The following PRKN variants were observed in gnomAD, a reference collection of about 807,000 sequenced individuals.
PRKN encodes the protein E3 ubiquitin-protein ligase parkin.
Under a neutral mutation model 59.5 loss-of-function variants are expected in PRKN, and 56 were observed. That is an observed-to-expected ratio of 0.94 (90% CI 0.76 to 1.18). The LOEUF is 1.18. PRKN is among the 50% of genes most tolerant of loss of function. The pLI is 0.00. For synonymous variants in PRKN, 250 were observed against 222.1 expected (o/e 1.13, Z -1.12); for missense variants, 657 against 596.4 (o/e 1.10, Z -1.06).
rs74620804 is a variant in PRKN, at chr6:162,159,237, C to T, written c.534+41894G>A. ...ATTATCTATGAGAATCACACAGATA[C>T]TCATACGTGAGCATTGCTTTTCTAG... On this transcript the variant is annotated intron_variant, in intron 4 of 11. Transcript: ENST00000366898. Among the ~76,000 whole-genome samples the T allele has an allele frequency of 5.4e-3, 822 of 150,958 alleles. 17 individuals are homozygous for T. Among genetic ancestry groups the T allele is most frequent in the African/African-American group, 0.02 (790 of 40,286 alleles).
intron 6 of PRKN, among the ~76,000 whole-genome samples, chr6:161,821,624 T>A: frequency 6.6e-6 from 1 of 151,240 alleles, no homozygotes; most frequent in East Asian, 2.0e-4. Flanking sequence ...CCACTTTATA[T>A]CCCCAAAATA....
At chr6:162,082,359 G>A (rs1227777273) in intron 4 of PRKN, among the ~76,000 whole-genome samples, 1 of 151,970 alleles carries the variant, frequency 6.6e-6, no homozygotes, top group Non-Finnish European at 1.5e-5. Context: ...TTTTTAAATT[G>A]CCTAGTCTCA....
intron 10 of PRKN, among the ~76,000 whole-genome samples, chr6:161,375,923 T>C (rs1456271374): frequency 6.6e-6 from 1 of 152,180 alleles, no homozygotes; most frequent in Non-Finnish European, 1.5e-5. Context: ...AGAAGTGGCA[T>C]CAAACCTGCT....
At chr6:162,216,344 C>G (rs968066802) in intron 3 of PRKN, among the ~76,000 whole-genome samples, 2 of 151,404 alleles carry the variant, frequency 1.3e-5, no homozygotes, top group East Asian at 3.9e-4. Context: ...TCCTGGCTAA[C>G]AAGGTGAAAC....
rs568365716 is a variant in PRKN at position 161,518,501 on chromosome 6, T to C, written c.1083+30353A>G. 5.3e-5 allele frequency among the ~76,000 whole-genome samples: 8 copies of C among 152,302 alleles called. No homozygotes were observed. The highest frequency in any genetic ancestry group is 3.4e-3 in the Middle Eastern group (1 of 294). ...TGTGGCACTGGGCGCTGCCCCTGGCTGTGCAATCCCAGGGCTCTGGGTGAG... is the reference window on the plus strand; with the variant it reads ...TGTGGCACTGGGCGCTGCCCCTGGCCGTGCAATCCCAGGGCTCTGGGTGAG... On this transcript the variant is annotated intron_variant, in intron 9 of 11. Coordinates refer to ENST00000366898, the MANE Select transcript of PRKN (RefSeq NM_004562.3). The surrounding 1 kb of genome is among the most constrained non-coding windows in gnomAD (Gnocchi z 5.0).
intron 1 of PRKN, among the ~76,000 whole-genome samples, chr6:162,508,626 A>C (rs1318773517): frequency 6.6e-6 from 1 of 152,184 alleles, no homozygotes; most frequent in Non-Finnish European, 1.5e-5. Context: ...CTAAAGACCC[A>C]GTGTTTGTAA....
rs569039226 is a variant in PRKN, at chr6:161,957,898, C to T, written c.734+15404G>A. 3.3e-5 allele frequency among the ~76,000 whole-genome samples: 5 copies of T among 152,244 alleles called. No homozygotes were observed. In the South Asian group the frequency reaches 1.0e-3, roughly 32 times the overall value. ...CAGGTCAAGGCTTTCATTAACTACG[C>T]GGATCAATTTAACCATCTCTCTTGT... On this transcript the variant is annotated intron_variant, in intron 6 of 11. Coordinates refer to ENST00000366898, the MANE Select transcript of PRKN (RefSeq NM_004562.3).
chr6:162,389,060 T>C (rs1157596452), intron 2 of PRKN, among the ~76,000 whole-genome samples: 2 of 151,020 alleles, frequency 1.3e-5, no homozygotes, highest in African/African-American at 4.9e-5. Flanking sequence ...AGACATTTTA[T>C]GTAAATGAGG....
intron 7 of PRKN, among the ~76,000 whole-genome samples, chr6:161,653,493 C>T (rs1174773137): frequency 6.6e-6 from 1 of 152,148 alleles, no homozygotes; most frequent in African/African-American, 2.4e-5. Context: ...CAGTATTAGC[C>T]TCTCCACCTC....
At chr6:162,637,454 A>G (rs890185444) in intron 1 of PRKN, among the ~76,000 whole-genome samples, 1 of 152,160 alleles carries the variant, frequency 6.6e-6, no homozygotes, top group Non-Finnish European at 1.5e-5. Context: ...GGGAGAGATC[A>G]AAGTCTTACA....
intron 1 of PRKN, among the ~76,000 whole-genome samples, chr6:162,646,831 T>C (rs962639058): frequency 6.6e-6 from 1 of 152,170 alleles, no homozygotes; most frequent in Non-Finnish European, 1.5e-5. Flanking sequence ...CGGTAAGTAT[T>C]TGTGTACCTA....
chr6:161,749,139 G>A (rs1029770984), intron 7 of PRKN, among the ~76,000 whole-genome samples: 7 of 152,134 alleles, frequency 4.6e-5, no homozygotes, highest in African/African-American at 1.7e-4. Context: ...AGCTTCTTGT[G>A]TTGCTAACCC....
In PRKN at chr6:162,293,195, C is replaced by T. The variant is rs568830129; in HGVS notation, c.172-30430G>A. Among the ~76,000 whole-genome samples the T allele has an allele frequency of 1.7e-4, 26 of 152,262 alleles. No homozygotes were observed. The South Asian group carries it at 4.6e-3, about 27-fold the overall frequency. ...CAGTAGAGGCCAATAAGACAGAAGCCAACAGGAAATTAGACTTCCCTTCTT... is the reference window on the plus strand; with the variant it reads ...CAGTAGAGGCCAATAAGACAGAAGCTAACAGGAAATTAGACTTCCCTTCTT... On this transcript the variant is annotated intron_variant, in intron 2 of 11. Transcript: ENST00000366898.
At chr6:162,015,836 C>T (rs2128272949) in intron 5 of PRKN, among the ~76,000 whole-genome samples, 1 of 152,246 alleles carries the variant, frequency 6.6e-6, no homozygotes. Context: ...GGTCAGAAAT[C>T]AAATGTAAAT....
intron 6 of PRKN, among the ~76,000 whole-genome samples, chr6:161,807,327 A>G (rs1791375165): frequency 6.6e-6 from 1 of 152,166 alleles, no homozygotes; most frequent in Non-Finnish European, 1.5e-5. Context: ...ATACACAAAG[A>G]TACACGCACA....
rs79774013 is a variant in PRKN, at chr6:162,408,494, T to C, written c.171+34816A>G. Among the ~76,000 whole-genome samples, 360 of 152,298 alleles carry C rather than the reference T, an allele frequency of 2.4e-3. 3 individuals are homozygous for C. The highest frequency in any genetic ancestry group is 8.4e-3 in the African/African-American group (350 of 41,566). ...TTGAAAGCCAGGTTTAGGGTACATC[T>C]CTAAAGCAGAATAGGTTGTTTTCAA... On this transcript the variant is annotated intron_variant, in intron 2 of 11. Transcript: ENST00000366898.
At position 162,208,226 on chromosome 6, in the gene PRKN, G is replaced by C. The variant is rs539389606; in HGVS notation, c.413-6974C>G. Among the ~76,000 whole-genome samples the C allele has an allele frequency of 3.4e-4, 52 of 152,210 alleles. No homozygotes were observed. The South Asian group carries it at 0.011, about 32-fold the overall frequency. On this transcript the variant is annotated intron_variant, in intron 3 of 11. Transcript: ENST00000366898. ...TTATTACACCCAACTGAATCAAACTGCCTGTTCCATGCTTTTAACGAGCCA... is the reference window on the plus strand; with the variant it reads ...TTATTACACCCAACTGAATCAAACTCCCTGTTCCATGCTTTTAACGAGCCA...
chr6:162,518,763 G>C (rs1292275006), intron 1 of PRKN, among the ~76,000 whole-genome samples: 1 of 152,128 alleles, frequency 6.6e-6, no homozygotes, highest in African/African-American at 2.4e-5. Context: ...ACATAGACAT[G>C]TAAGTTTAGT....
At chr6:162,716,761 C>CGT (rs1778739091) in intron 1 of PRKN, among the ~76,000 whole-genome samples, 2 of 145,374 alleles carry the variant, frequency 1.4e-5, no homozygotes, top group Admixed American at 1.4e-4. Context: ...CCCGCCTGCG[C>CGT]GCGCGCGCAC....
Sources: gnomAD v4.1 joint callset for allele counts (sites outside exome capture counted in the v4.1 genomes callset) on GRCh38, gnomAD v4.1.1 for gene constraint, Gnocchi (gnomAD v3.1) non-coding constraint, MANE v1.5 for transcripts, NCBI Gene and HGNC (gene_info 2026-07-23, HGNC 2026-07-21) for gene names.